Variants in KANK1 observed in about 807,000 individuals in gnomAD.
KANK1 encodes KN motif and ankyrin repeat domains 1, also known as KN motif and ankyrin repeat domain-containing protein 1.
KANK1 carries 109 observed loss-of-function variants against 106.2 expected under a neutral mutation model. The ratio of observed to expected loss-of-function variants is 1.03; its 90% CI spans 0.88 to 1.20. The LOEUF (loss-of-function observed/expected upper bound fraction) is 1.20. KANK1 is among the 50% of genes most tolerant of loss of function. The pLI is 0.00. For synonymous variants in KANK1, 873 were observed against 652.2 expected, an observed-to-expected ratio of 1.34 and a Z score of -5.16; for missense variants, 2,399 against 1,710.7, an observed-to-expected ratio of 1.40 and a Z score of -7.10.
At chr9:544,945 C>T (rs1457201044) in intron 1 of KANK1, among the ~76,000 whole-genome samples, 1 of 152,132 alleles carries the variant, frequency 6.6e-6, no homozygotes. Flanking sequence ...AGGAATCCCT[C>T]CAGCTTGGGT....
intron 1 of KANK1, among the ~76,000 whole-genome samples, chr9:668,551 C>G (rs958625366): frequency 1.3e-5 from 2 of 152,112 alleles, no homozygotes; most frequent in African/African-American, 4.8e-5. Flanking sequence ...CTCTTCTCCT[C>G]CTTTCTTCCT....
At chr9:591,497 GTCAC>G in intron 1 of KANK1, among the ~76,000 whole-genome samples, 1 of 151,578 alleles carries the variant, frequency 6.6e-6, no homozygotes, top group Non-Finnish European at 1.5e-5. Flanking sequence ...CCCACCTCTT[GTCAC>G]TCACCCTTGA....
At chr9:525,742 G>A (rs960112643) in intron 1 of KANK1, among the ~76,000 whole-genome samples, 1 of 151,504 alleles carries the variant, frequency 6.6e-6, no homozygotes, top group Non-Finnish European at 1.5e-5. Context: ...GGAGGCATGT[G>A]GTGATGTTAG....
intron 1 of KANK1, among the ~76,000 whole-genome samples, chr9:518,402 C>G (rs1028434196): frequency 6.9e-6 from 1 of 145,062 alleles, no homozygotes; most frequent in South Asian, 2.1e-4. Flanking sequence ...CCCCAGTGGC[C>G]CAGGGCAGTT....
chr9:605,055 G>A (rs1828744405), intron 1 of KANK1, among the ~76,000 whole-genome samples: 1 of 151,746 alleles, frequency 6.6e-6, no homozygotes, highest in Non-Finnish European at 1.5e-5. Context: ...TGTAATCCCA[G>A]CTCTTTGGGA....
Position 725,934 on chromosome 9 carries a change from G to C in KANK1, c.2699-4117G>C, listed in dbSNP as rs185068956. Among the ~76,000 whole-genome samples the C allele has an allele frequency of 2.2e-3, 335 of 152,166 alleles. 6 individuals are homozygous for C. The highest frequency in any genetic ancestry group is 0.02 in the Admixed American group (300 of 15,276). ...GAGTAGATTTAAATGTTTAATTTTT[G>C]TTAGTAATTTATAAAGTATAATTTA... On this transcript the variant is annotated intron_variant, in intron 3 of 11. Coordinates refer to ENST00000382297, the MANE Select transcript of KANK1 (RefSeq NM_015158.5).
At chr9:563,436 A>C (rs994356331) in intron 1 of KANK1, among the ~76,000 whole-genome samples, 1 of 152,230 alleles carries the variant, frequency 6.6e-6, no homozygotes, top group Middle Eastern at 3.2e-3. Flanking sequence ...ACTTGAGAAT[A>C]AACATGCTGT....
At chr9:670,254 G>T (rs1213422644) in intron 1 of KANK1, among the ~76,000 whole-genome samples, 1 of 152,022 alleles carries the variant, frequency 6.6e-6, no homozygotes, top group East Asian at 1.9e-4. Context: ...CATTTGGGGA[G>T]GTCATGGTTC....
intron 1 of KANK1, among the ~76,000 whole-genome samples, chr9:643,630 T>C (rs1588514282): frequency 7.0e-6 from 1 of 143,464 alleles, no homozygotes; most frequent in African/African-American, 2.7e-5. Context: ...TCCTCCTGCA[T>C]AGGCCTTCCA....
chr9:575,926 G>C (rs1489707453), intron 1 of KANK1, among the ~76,000 whole-genome samples: 2 of 152,214 alleles, frequency 1.3e-5, no homozygotes, highest in African/African-American at 4.8e-5. Context: ...GAGAGGCTGA[G>C]GCAGGAAGAT....
At chr9:669,841 C>G (rs1195345894) in intron 1 of KANK1, among the ~76,000 whole-genome samples, 2 of 152,076 alleles carry the variant, frequency 1.3e-5, no homozygotes, top group African/African-American at 2.4e-5. Flanking sequence ...TCAACTTTCT[C>G]TTGAACACCA....
At chr9:721,190 C>T (rs1162272624) in intron 3 of KANK1, among the ~76,000 whole-genome samples, 1 of 152,292 alleles carries the variant, frequency 6.6e-6, no homozygotes, top group East Asian at 1.9e-4. Context: ...ACTGACCTCC[C>T]TCATACCTTG....
At chr9:551,541 CTG>C (rs1335570273) in intron 1 of KANK1, among the ~76,000 whole-genome samples, 2 of 152,268 alleles carry the variant, frequency 1.3e-5, no homozygotes, top group African/African-American at 2.4e-5. Flanking sequence ...CCTCTTAACT[CTG>C]TGAAGTTAGC....
chr9:687,230 G>T (rs116824731), intron 2 of KANK1, among the ~76,000 whole-genome samples: 4 of 152,052 alleles, frequency 2.6e-5, no homozygotes, highest in African/African-American at 9.7e-5. Context: ...GACCAGCCCC[G>T]AGGCTGCGAG....
At chr9:551,727 C>T (rs2061294547) in intron 1 of KANK1, among the ~76,000 whole-genome samples, 2 of 152,010 alleles carry the variant, frequency 1.3e-5, no homozygotes, top group South Asian at 2.1e-4. Context: ...AAGATACCAT[C>T]GGTGTTGTTA....
At position 713,000 on chromosome 9, in the gene KANK1, A is replaced by G; in HGVS notation, c.2234A>G (p.His745Arg). Residue 745 changes from histidine (H) to arginine (R), a missense_variant, in exon 3 of 12, where the codon CAT (histidine) becomes CGT (arginine). By Grantham distance (29) the His-to-Arg change is conservative (BLOSUM62 0). Coordinates refer to ENST00000382297, the MANE Select transcript of KANK1 (RefSeq NM_015158.5). ...GGTGTTGGAACGTTGCTTTCTGGCC[A>G]TTCTGGGTTTGACAGGCCATCAGCT... ...SIGVGTLLSG[H>R]SGFDRPSAVK... 6.2e-7 allele frequency: 1 copy of G among 1,614,216 alleles called. No individual in the cohort carries two copies. The highest frequency in any genetic ancestry group is 8.5e-7 in the Non-Finnish European group (1 of 1,180,040).
intron 1 of KANK1, among the ~76,000 whole-genome samples, chr9:505,973 A>G (rs1002499019): frequency 1.3e-5 from 2 of 152,034 alleles, no homozygotes; most frequent in African/African-American, 4.8e-5. Flanking sequence ...CTTTCATCCA[A>G]CTTTCTCTAC....
chr9:726,432 AG>A (rs1366251199), intron 3 of KANK1, among the ~76,000 whole-genome samples: 2 of 152,182 alleles, frequency 1.3e-5, no homozygotes, highest in African/African-American at 4.8e-5. Context: ...TGAGGTCAGG[AG>A]TTCGAGTCCA....
chr9:609,100 C>G (rs540088211), intron 1 of KANK1, among the ~76,000 whole-genome samples: 9 of 151,654 alleles, frequency 5.9e-5, no homozygotes, highest in South Asian at 2.1e-4. Context: ...ACCCCTAACC[C>G]TTCAGAAAGC....
Sources: gnomAD v4.1 joint callset for allele counts (sites outside exome capture counted in the v4.1 genomes callset) on GRCh38, gnomAD v4.1.1 for gene constraint, MANE v1.5 for transcripts, NCBI Gene and HGNC (gene_info 2026-07-23, HGNC 2026-07-21) for gene names.